The following RABGAP1 variants were observed in gnomAD, a reference collection of about 807,000 sequenced individuals.
The protein encoded by RABGAP1 is rab GTPase-activating protein 1.
A neutral mutation model predicts 137.6 loss-of-function variants in RABGAP1; 23 were observed. That is an observed-to-expected ratio of 0.17 (90% CI 0.12 to 0.24). The LOEUF (loss-of-function observed/expected upper bound fraction) is 0.24, where lower values mean the gene tolerates loss of function less well. Ranked by LOEUF, RABGAP1 falls within the 10% of genes least tolerant of loss-of-function variation. The pLI is 1.00. For synonymous variants in RABGAP1, 451 were observed against 450.7 expected (o/e 1.00, Z -0.01); for missense variants, 906 against 1,275.8 (o/e 0.71, Z 4.42).
chr9:122,951,665 G>C (rs529190441), intron 1 of RABGAP1, among the ~76,000 whole-genome samples: 1 of 152,094 alleles, frequency 6.6e-6, no homozygotes, highest in South Asian at 2.1e-4. Context: ...AGAACCCCTG[G>C]ACTCAAGCAG....
At chr9:123,077,671 A>G (rs1192050643) in intron 19 of RABGAP1, among the ~76,000 whole-genome samples, 1 of 144,276 alleles carries the variant, frequency 6.9e-6, no homozygotes, top group Non-Finnish European at 1.5e-5. Flanking sequence ...ATTGTATTGT[A>G]TTGTATTGTA....
chr9:123,089,887 A>T, intron 20 of RABGAP1, 37 bp downstream of exon 20: 1 of 1,541,122 alleles, frequency 6.5e-7, no homozygotes, highest in South Asian at 1.1e-5. Context: ...AGGAGCTCCC[A>T]TGCTTTCATT....
Position 123,025,850 on chromosome 9 carries a change from T to C in RABGAP1, c.1794+5391T>C, listed in dbSNP as rs559116998. Among the ~76,000 whole-genome samples the C allele has an allele frequency of 4.4e-4, 67 of 152,274 alleles. 1 individual carries two copies. The South Asian group carries it at 0.013, about 29-fold the overall frequency. On this transcript the variant is annotated intron_variant, in intron 13 of 25. Coordinates refer to ENST00000373647, the MANE Select transcript of RABGAP1 (RefSeq NM_012197.4). ...AAACGGTTTTACCTCTTTTACAATG[T>C]TTATGCAGCCTACTACATTTTCTTG...
At chr9:123,055,738 C>A (rs2033667372) in intron 13 of RABGAP1, among the ~76,000 whole-genome samples, 1 of 151,632 alleles carries the variant, frequency 6.6e-6, no homozygotes, top group Admixed American at 6.6e-5. Flanking sequence ...TTAGTAGAGA[C>A]AGGGTTTTGC....
chr9:123,076,843 T>A, intron 19 of RABGAP1, 81 bp downstream of exon 19: 61 of 914,520 alleles, frequency 6.7e-5, no homozygotes, highest in Non-Finnish European at 7.9e-5. Context: ...TACATAATTA[T>A]TTATGTATTA....
At chr9:122,974,310 T>G (rs1835642474) in intron 2 of RABGAP1, among the ~76,000 whole-genome samples, 1 of 151,736 alleles carries the variant, frequency 6.6e-6, no homozygotes, top group Admixed American at 6.6e-5. Flanking sequence ...GCCTGTAACG[T>G]GGTAAGATCC....
intron 2 of RABGAP1, among the ~76,000 whole-genome samples, chr9:122,964,870 T>C (rs954036179): frequency 6.6e-6 from 1 of 152,094 alleles, no homozygotes; most frequent in African/African-American, 2.4e-5. Flanking sequence ...GGTGGCATGC[T>C]CTTGTAGTCC....
At chr9:122,983,181 C>A (rs865785488) in intron 2 of RABGAP1, among the ~76,000 whole-genome samples, 1,567 of 146,928 alleles carry the variant, frequency 0.011, 28 homozygotes, top group African/African-American at 0.034. Flanking sequence ...AAAAAAAAAA[C>A]AAAAACTTTT....
At chr9:122,987,014 A>C (rs1836406607) in intron 4 of RABGAP1, among the ~76,000 whole-genome samples, 1 of 152,042 alleles carries the variant, frequency 6.6e-6, no homozygotes, top group Non-Finnish European at 1.5e-5. Flanking sequence ...ATACACACCT[A>C]TAGTCCCAGC....
At chr9:123,040,722 C>T (rs1372787425) in intron 13 of RABGAP1, among the ~76,000 whole-genome samples, 2 of 152,104 alleles carry the variant, frequency 1.3e-5, no homozygotes, top group Admixed American at 6.6e-5. Context: ...GGGAGCCGCT[C>T]ATCTTAGTTT....
chr9:123,057,390 A>G (rs1377574917), intron 13 of RABGAP1, among the ~76,000 whole-genome samples: 1 of 147,844 alleles, frequency 6.8e-6, no homozygotes, highest in African/African-American at 2.5e-5. Context: ...GCGGCCGGGC[A>G]GAGGTGCTCC....
At chr9:122,939,960 A>T (rs1833466785), upstream of RABGAP1, 1 of 152,226 alleles carries the variant, frequency 6.6e-6, no homozygotes, top group Admixed American at 6.5e-5. Context: ...GAATAAATAA[A>T]GGGGAAGAGT....
chr9:122,976,174 C>T (rs930369542), intron 2 of RABGAP1, among the ~76,000 whole-genome samples: 1 of 152,158 alleles, frequency 6.6e-6, no homozygotes, highest in African/African-American at 2.4e-5. Context: ...CATATGTTTA[C>T]AGTAGCTGCT....
chr9:122,996,204 C>T, intron 7 of RABGAP1, 53 bp downstream of exon 7: 1 of 1,568,496 alleles, frequency 6.4e-7, no homozygotes, highest in Non-Finnish European at 8.6e-7. Flanking sequence ...TTTTATCAAT[C>T]TAATGGCATA....
upstream of RABGAP1, chr9:122,939,672 G>A (rs1042727025): frequency 6.6e-6 from 1 of 152,182 alleles, no homozygotes; most frequent in African/African-American, 2.4e-5. Flanking sequence ...AACGTTAAAA[G>A]TGGTTTTGTT....
At chr9:122,965,300 G>A (rs1051704987) in intron 2 of RABGAP1, among the ~76,000 whole-genome samples, 1 of 152,130 alleles carries the variant, frequency 6.6e-6, no homozygotes, top group African/African-American at 2.4e-5. Context: ...AAAATTAGTG[G>A]TTGCCTAGGG....
At chr9:123,007,331 T>C (rs1207882464) in intron 10 of RABGAP1, among the ~76,000 whole-genome samples, 2 of 150,622 alleles carry the variant, frequency 1.3e-5, no homozygotes, top group Non-Finnish European at 3.0e-5. Context: ...TGCCTAGGCC[T>C]CCCAAATTGC....
At chr9:123,049,958 A>G (rs2132055602) in intron 13 of RABGAP1, among the ~76,000 whole-genome samples, 1 of 152,370 alleles carries the variant, frequency 6.6e-6, no homozygotes, top group South Asian at 2.1e-4. Flanking sequence ...GACTTGCCCA[A>G]GGTCACACAA....
At chr9:123,044,851 C>T (rs1040261966) in intron 13 of RABGAP1, among the ~76,000 whole-genome samples, 28 of 152,210 alleles carry the variant, frequency 1.8e-4, no homozygotes, top group African/African-American at 5.5e-4. Flanking sequence ...TCTGATTCCT[C>T]TCCTCACCCC....
Sources: gnomAD v4.1 joint callset for allele counts (sites outside exome capture counted in the v4.1 genomes callset) on GRCh38, gnomAD v4.1.1 for gene constraint, MANE v1.5 for transcripts, NCBI Gene and HGNC (gene_info 2026-07-23, HGNC 2026-07-21) for gene names.